The following DHX58 variants were observed in gnomAD, a reference collection of about 807,000 sequenced individuals.
DHX58 encodes ATP-dependent RNA helicase DHX58.
A neutral mutation model predicts 65.0 loss-of-function variants in DHX58; 51 were observed. That is an observed-to-expected ratio of 0.78 (90% CI 0.63 to 0.99). The LOEUF (loss-of-function observed/expected upper bound fraction) is 0.99, where lower values mean the gene tolerates loss of function less well. Ranked by LOEUF, DHX58 falls within the 50% of genes least tolerant of loss-of-function variation. The pLI is 0.00. For synonymous variants in DHX58, 350 were observed against 365.0 expected, an observed-to-expected ratio of 0.96 and a Z score of 0.47; for missense variants, 773 against 891.8, an observed-to-expected ratio of 0.87 and a Z score of 1.70.
At chr17:42,107,575 C>T (rs1445687390) in intron 8 of DHX58, 29 bp downstream of exon 8, 6 of 1,519,064 alleles carry the variant, frequency 3.9e-6, no homozygotes, top group Non-Finnish European at 5.3e-6. Context: ...CCATCATCCC[C>T]GGCCCCGAAG....
chr17:42,109,466 A>C (rs1211827977), intron 5 of DHX58, 80 bp from the exon 6 acceptor site: 1 of 1,177,650 alleles, frequency 8.5e-7, no homozygotes, highest in Non-Finnish European at 1.2e-6. Context: ...GATGGATCCC[A>C]GCTGAGGACA....
intron 10 of DHX58, 22 bp downstream of exon 10, chr17:42,104,996 G>T: frequency 6.2e-7 from 1 of 1,612,170 alleles, no homozygotes; most frequent in Non-Finnish European, 8.5e-7. Context: ...AAGGGCGGCT[G>T]AGTGGAGGAG....
At chr17:42,104,744 G>A (rs782465515) in intron 11 of DHX58, 22 bp downstream of exon 11, 12 of 1,612,348 alleles carry the variant, frequency 7.4e-6, no homozygotes, top group Non-Finnish European at 1.0e-5. Context: ...CCTCCCACAG[G>A]GCATGCAGGC....
Position 42,102,303 on chromosome 17 carries a change from AT to A in DHX58, c.1763del (p.Tyr588LeufsTer36). ...TGACCACAGGATCCCTGGAGACATT[AT>A]AGTAGTTCCTGGAGAGGAAGGGGGG... ...VNVNPNFSNYYNVSRDPVVIN... is the reference protein window; with the variant it reads ...VNVNPNFSNYXNVSRDPVVIN... On this transcript the variant is annotated frameshift_variant, in exon 13 of 14. Coordinates refer to ENST00000251642, the MANE Select transcript of DHX58 (RefSeq NM_024119.3). LOFTEE classifies it high-confidence loss of function. 6.2e-7 allele frequency: 1 copy of A among 1,614,114 alleles called. No homozygotes were observed. Among genetic ancestry groups the A allele is most frequent in the South Asian group, 1.1e-5 (1 of 91,080 alleles).
Position 42,101,652 on chromosome 17 carries a change from T to C in DHX58, c.*109A>G. ...AGGGTGCCCAGGACTCCTGTGTGGC[T>C]GGTGGGCCTGATGCCCACAGCTGAT... On this transcript the variant is annotated 3_prime_UTR_variant, in exon 14 of 14. Coordinates refer to ENST00000251642, the MANE Select transcript of DHX58 (RefSeq NM_024119.3). 1 of 1,431,476 alleles carries C rather than the reference T, an allele frequency of 7.0e-7. No individual in the cohort carries two copies. The highest frequency in any genetic ancestry group is 1.4e-5 in the South Asian group (1 of 73,874). The allele number at this position is 1,431,476 out of a possible 1,614,324, so 88.7% of individuals were successfully genotyped here.
intron 11 of DHX58, 128 bp downstream of exon 11, chr17:42,104,638 C>T: frequency 4.6e-6 from 6 of 1,310,916 alleles, no homozygotes; most frequent in East Asian, 2.4e-5. Flanking sequence ...TAAACCTTCC[C>T]TAGGTGGCCA....
chr17:42,111,244 G>A (rs1367659201), intron 4 of DHX58, 52 bp downstream of exon 4: 14 of 1,580,078 alleles, frequency 8.9e-6, no homozygotes, highest in African/African-American at 4.0e-5. Flanking sequence ...TGGGGTTGGC[G>A]AAAGGAGGTA....
chr17:42,108,140 A>G (rs782565446), intron 6 of DHX58, 32 bp from the exon 7 acceptor site: 1 of 1,613,944 alleles, frequency 6.2e-7, no homozygotes, highest in Non-Finnish European at 8.5e-7. Flanking sequence ...GGGGATTCCC[A>G]TACACGTTGG....
At chr17:42,105,649 C>T (rs1381905767) in intron 9 of DHX58, 87 bp downstream of exon 9, 2 of 1,484,802 alleles carry the variant, frequency 1.3e-6, no homozygotes, top group East Asian at 2.4e-5. Context: ...TCCCTGCCCC[C>T]ACCTCTCTGT....
Position 42,111,840 on chromosome 17 carries a change from T to G in DHX58, c.53A>C (p.Lys18Thr). The G allele has an allele frequency of 6.2e-7, 1 of 1,614,068 alleles. No homozygotes were observed. The highest frequency in any genetic ancestry group is 8.5e-7 in the Non-Finnish European group (1 of 1,179,958). Residue 18 changes from lysine to threonine, a missense_variant, in exon 3 of 14, where the codon AAG (lysine) becomes ACG (threonine). Physicochemically the swap from Lys to Thr is moderately conservative, Grantham distance 78 (BLOSUM62 -1). Coordinates refer to ENST00000251642, the MANE Select transcript of DHX58 (RefSeq NM_024119.3). ...WEVIMPALEG[K>T]NIIIWLPTGA... The stretch of plus-strand genomic sequence containing the variant: ...CGTGGGCAGCCAGATGATGATATTC[T>G]TGCCCTCCAGGGCAGGCATGATCAC...
rs1236128563 is a variant in DHX58, at chr17:42,110,731, C to T, written c.553G>A (p.Val185Ile). 11 of 1,603,732 alleles carry T rather than the reference C, an allele frequency of 6.9e-6. No individual in the cohort carries two copies. The highest frequency in any genetic ancestry group is 1.7e-4 in the Middle Eastern group (1 of 6,000). Residue 185 changes from valine to isoleucine, a missense_variant, in exon 5 of 14, where the codon GTC (valine) becomes ATC (isoleucine). By Grantham distance (29) the Val-to-Ile change is conservative. Transcript: ENST00000251642. ...ACAGGGGCCAGGCTGACCTGCAGGACGTGGTTGATGGCCCCATCGAGTTTG... is the reference window on the plus strand; with the variant it reads ...ACAGGGGCCAGGCTGACCTGCAGGATGTGGTTGATGGCCCCATCGAGTTTG... ...ASKLDGAINH[V>I]LQLCANLDTW... is the part of the protein sequence containing the mutation.
At chr17:42,104,289 A>G (rs990722440) in intron 11 of DHX58, among the ~76,000 whole-genome samples, 4 of 151,964 alleles carry the variant, frequency 2.6e-5, no homozygotes, top group Admixed American at 2.0e-4. Flanking sequence ...TTCCTGCTCA[A>G]TCTTGAAGGA....
chr17:42,105,813 CCTG>C lies in DHX58; in HGVS notation c.1171_1173del (p.Gln391del), dbSNP rs1283526481. 1.2e-6 allele frequency: 2 copies of C among 1,613,468 alleles called. No homozygotes were observed. The highest frequency in any genetic ancestry group is 8.5e-7 in the Non-Finnish European group (1 of 1,179,724). ...GCCCGGATGTCCACAGTCTGCAGGC[CCTG>C]CTGCTGCTGGAGCCAGAGCAGGAGG... On this transcript the variant is annotated inframe_deletion, in exon 9 of 14. Coordinates refer to ENST00000251642, the MANE Select transcript of DHX58 (RefSeq NM_024119.3).
intron 6 of DHX58, 24 bp from the exon 7 acceptor site, chr17:42,108,132 G>A (rs1555663233): frequency 6.2e-7 from 1 of 1,614,140 alleles, no homozygotes; most frequent in Admixed American, 1.7e-5. Flanking sequence ...GAGTTGGAGG[G>A]GATTCCCATA....
In DHX58 at chr17:42,105,904, C is replaced by A; in HGVS notation, c.1083G>T (p.Gln361His). The change falls in exon 9 of 14, where the codon CAG becomes CAT. Residue 361 changes from glutamine (Q) to histidine (H), a missense_variant. Gln to His is a conservative substitution (Grantham distance 24). Coordinates refer to ENST00000251642, the MANE Select transcript of DHX58 (RefSeq NM_024119.3). The stretch of plus-strand genomic sequence containing the variant: ...CCCGAGGGCTGTTAGAGCTACTGAA[C>A]TGCCTTTGCAGGATCTTTTCCAGCA... ...LEMLEKILQRQFSSSNSPRGI... is the reference protein window; with the variant it reads ...LEMLEKILQRHFSSSNSPRGI... 2 of 1,613,936 alleles carry A rather than the reference C, an allele frequency of 1.2e-6. No individual in the cohort carries two copies. Among genetic ancestry groups the A allele is most frequent in the East Asian group, 2.2e-5 (1 of 44,874 alleles).
rs1555663976 is a variant in DHX58 at position 42,110,882 on chromosome 17, G to A, written c.402C>T (p.His134=). The A allele has an allele frequency of 1.2e-6, 2 of 1,612,672 alleles. No individual in the cohort carries two copies. Among genetic ancestry groups the A allele is most frequent in the Middle Eastern group, 1.7e-4 (1 of 6,050 alleles). ...VFSLIVVDEC[H]HTHKDTVYNV... Reference sequence around the variant, plus strand: ...TGTAGACGGTGTCCTTGTGCGTGTGGTGGCACTCATCCACCACGATCAGGG... The same window carrying A: ...TGTAGACGGTGTCCTTGTGCGTGTGATGGCACTCATCCACCACGATCAGGG... The change falls in exon 5 of 14, where the codon CAC becomes CAT. Residue 134 remains histidine (H), a synonymous_variant. Transcript: ENST00000251642.
chr17:42,109,608 A>G (rs939348323), intron 5 of DHX58, among the ~76,000 whole-genome samples: 42 of 152,322 alleles, frequency 2.8e-4, no homozygotes, highest in African/African-American at 9.9e-4. Flanking sequence ...AAAGAATAAT[A>G]GAACCGGCCA....
chr17:42,108,453 T>G (rs2054098857), intron 6 of DHX58, among the ~76,000 whole-genome samples: 1 of 152,218 alleles, frequency 6.6e-6, no homozygotes, highest in Admixed American at 6.5e-5. Flanking sequence ...TTGTGTAAGT[T>G]CATACTGGAC....
In DHX58 at chr17:42,103,744, G is replaced by GC; in HGVS notation, c.1617dup (p.Arg540AlafsTer50). ...GGGAACTGCTGCCGCTGGTTCTCCCGCTGGGCTGCCTGGGCCGCCCGCTTG... is the reference window on the plus strand; with the variant it reads ...GGGAACTGCTGCCGCTGGTTCTCCCGCCTGGGCTGCCTGGGCCGCCCGCTTG... On this transcript the variant is annotated frameshift_variant, in exon 12 of 14. Coordinates refer to ENST00000251642, the MANE Select transcript of DHX58 (RefSeq NM_024119.3). LOFTEE classifies it high-confidence loss of function. 6.2e-7 allele frequency: 1 copy of GC among 1,612,672 alleles called. No individual in the cohort carries two copies. The highest frequency in any genetic ancestry group is 8.5e-7 in the Non-Finnish European group (1 of 1,180,006).
Sources: gnomAD v4.1 joint callset for allele counts (sites outside exome capture counted in the v4.1 genomes callset) on GRCh38, gnomAD v4.1.1 for gene constraint, MANE v1.5 for transcripts, NCBI Gene and HGNC (gene_info 2026-07-23, HGNC 2026-07-21) for gene names.